The following DCUN1D4 variants were observed in gnomAD, a reference collection of about 807,000 sequenced individuals.
The protein encoded by DCUN1D4 is defective in cullin neddylation 1 domain containing 4.
In DCUN1D4, 22 loss-of-function variants were observed where a neutral mutation model predicts 47.9. The observed-to-expected ratio is 0.46, with a 90% confidence interval of 0.33 to 0.66. DCUN1D4 has a LOEUF of 0.66. DCUN1D4 is among the 30% of genes least tolerant of loss of function. DCUN1D4 has a pLI of 0.02. For missense variants in DCUN1D4, 301 were observed against 340.8 expected (o/e 0.88, Z 0.92); for synonymous variants, 121 against 112.2 (o/e 1.08, Z -0.50).
chr4:51,902,041 C>A (rs1034592193), intron 8 of DCUN1D4, among the ~76,000 whole-genome samples: 1 of 151,926 alleles, frequency 6.6e-6, no homozygotes, highest in African/African-American at 2.4e-5. Flanking sequence ...CTTGTGAATT[C>A]TTTTTTGGCC....
chr4:51,838,878 C>T (rs926827298), upstream of DCUN1D4, among the ~76,000 whole-genome samples: 2 of 152,072 alleles, frequency 1.3e-5, no homozygotes, highest in Admixed American at 1.3e-4. Flanking sequence ...AGTTTGAGAC[C>T]ATCCTGGCCA....
chr4:51,865,490 A>T (rs906590764), intron 3 of DCUN1D4: 2 of 153,462 alleles, frequency 1.3e-5, no homozygotes, highest in Admixed American at 1.3e-4. Flanking sequence ...CACAGACCAG[A>T]GAGCTTGCTG....
chr4:51,859,611 G>A (rs1305023730), intron 1 of DCUN1D4, among the ~76,000 whole-genome samples: 3 of 84,122 alleles, frequency 3.6e-5, no homozygotes, highest in African/African-American at 4.5e-5. Context: ...TTTTGTGTAG[G>A]TCACAGCAAA....
intron 8 of DCUN1D4, among the ~76,000 whole-genome samples, chr4:51,899,610 G>A (rs1041557122): frequency 6.6e-6 from 1 of 152,148 alleles, no homozygotes; most frequent in African/African-American, 2.4e-5. Flanking sequence ...CTGGCTCTTG[G>A]AATTGGCTTA....
intron 1 of DCUN1D4, among the ~76,000 whole-genome samples, chr4:51,853,186 T>C (rs1287319354): frequency 6.6e-6 from 1 of 152,186 alleles, no homozygotes; most frequent in Admixed American, 6.5e-5. Context: ...CTTGGGCGGA[T>C]GGTTTCTTCT....
At chr4:51,858,308 C>G (rs1225644263) in intron 1 of DCUN1D4, among the ~76,000 whole-genome samples, 1 of 151,894 alleles carries the variant, frequency 6.6e-6, no homozygotes, top group Non-Finnish European at 1.5e-5. Flanking sequence ...GAAGAGCGCT[C>G]AAGGTAAGGA....
the DCUN1D4 span, among the ~76,000 whole-genome samples, chr4:51,835,541 G>A: frequency 6.6e-6 from 1 of 152,224 alleles, no homozygotes; most frequent in Non-Finnish European, 1.5e-5. Flanking sequence ...GTGCTTTGAA[G>A]CCAGAAAAAG....
chr4:51,844,825 C>A, intron 1 of DCUN1D4: 2 of 985,296 alleles, frequency 2.0e-6, no homozygotes, highest in Non-Finnish European at 2.4e-6. Context: ...GTTGGGTGCA[C>A]GTGGGTAACT....
At chr4:51,893,270 G>C (rs1358383398) in intron 7 of DCUN1D4, among the ~76,000 whole-genome samples, 1 of 152,180 alleles carries the variant, frequency 6.6e-6, no homozygotes, top group East Asian at 1.9e-4. Context: ...TTTCCTATCA[G>C]AGTGTGTTCT....
intron 7 of DCUN1D4, among the ~76,000 whole-genome samples, chr4:51,894,865 C>G (rs1730990718): frequency 1.3e-5 from 2 of 152,052 alleles, no homozygotes; most frequent in Non-Finnish European, 2.9e-5. Context: ...ATGTTTTAGA[C>G]TGGGTGGCTT....
At chr4:51,867,344 C>A (rs1054519616) in intron 3 of DCUN1D4, among the ~76,000 whole-genome samples, 2 of 152,212 alleles carry the variant, frequency 1.3e-5, no homozygotes, top group African/African-American at 4.8e-5. Flanking sequence ...CCGCCCACAA[C>A]GTGGCAAGTG....
chr4:51,906,211 A>G (rs966290882), intron 8 of DCUN1D4, among the ~76,000 whole-genome samples: 10 of 152,142 alleles, frequency 6.6e-5, no homozygotes, highest in African/African-American at 2.2e-4. Flanking sequence ...TTCCCAGCAG[A>G]ACGTGCCAGC....
rs2109977759 is a variant in DCUN1D4 at position 51,874,330 on chromosome 4, AAG to A, written c.200_201del (p.Arg67LysfsTer7). On this transcript the variant is annotated frameshift_variant, in exon 4 of 11. Coordinates refer to ENST00000334635, the MANE Select transcript of DCUN1D4 (RefSeq NM_001040402.3). LOFTEE classifies it high-confidence loss of function. ...TAATAAAGTGATGCCACCAAGGAAA[AAG>A]AGAAGACCTGCCTCTGGAGATGATT... is the stretch of plus-strand genomic sequence containing the variant. The part of the protein sequence containing the change: ...CFNKVMPPRK[K>X]RRPASGDDLS... 6.2e-7 allele frequency: 1 copy of A among 1,613,918 alleles called. No homozygotes were observed. Among genetic ancestry groups the A allele is most frequent in the African/African-American group, 1.3e-5 (1 of 75,028 alleles).
intron 3 of DCUN1D4, among the ~76,000 whole-genome samples, chr4:51,868,355 C>T (rs1344872432): frequency 6.6e-6 from 1 of 152,238 alleles, no homozygotes; most frequent in East Asian, 1.9e-4. Flanking sequence ...CTGCAGCCCA[C>T]CTCATGGCAG....
chr4:51,906,588 ACT>A (rs1405750121), intron 8 of DCUN1D4, among the ~76,000 whole-genome samples: 4 of 151,678 alleles, frequency 2.6e-5, no homozygotes, highest in Admixed American at 2.6e-4. Context: ...CTCTCCTCAC[ACT>A]CTCCCTCATA....
chr4:51,886,454 C>T, intron 5 of DCUN1D4, 114 bp from the exon 6 acceptor site: 2 of 805,568 alleles, frequency 2.5e-6, no homozygotes, highest in Non-Finnish European at 1.9e-6. Context: ...ATTTTTTTTT[C>T]CAAAAGGAGT....
intron 6 of DCUN1D4, among the ~76,000 whole-genome samples, chr4:51,888,025 A>G (rs1729784048): frequency 6.6e-6 from 1 of 152,022 alleles, no homozygotes; most frequent in South Asian, 2.1e-4. Flanking sequence ...CCGTAGACAC[A>G]AGAAAAGACC....
rs573488393 is a variant in DCUN1D4, at chr4:51,897,180, ATC to A, written c.507-2088_507-2087del. Among the ~76,000 whole-genome samples the A allele has an allele frequency of 2.1e-3, 315 of 152,342 alleles. 7 individuals are homozygous for A. Among genetic ancestry groups the A allele is most frequent in the Admixed American group, 0.019 (290 of 15,298 alleles). On this transcript the variant is annotated intron_variant, in intron 7 of 10. Coordinates refer to ENST00000334635, the MANE Select transcript of DCUN1D4 (RefSeq NM_001040402.3). ...CCGACTCTAAAATAGCCTAATTTTAATCTTTTTTATTTTCCACATTAGGAAGA... is the reference window on the plus strand; with the variant it reads ...CCGACTCTAAAATAGCCTAATTTTAATTTTTTATTTTCCACATTAGGAAGA...
chr4:51,877,328 A>G (rs1727865695), intron 4 of DCUN1D4: 1 of 152,278 alleles, frequency 6.6e-6, no homozygotes, highest in Non-Finnish European at 1.5e-5. Context: ...GTTGTCTAAT[A>G]TTGAGAGATT....
Sources: allele counts gnomAD v4.1 joint callset (sites outside exome capture counted in the v4.1 genomes callset), GRCh38; gene constraint gnomAD v4.1.1; transcripts MANE v1.5; gene names NCBI Gene and HGNC (gene_info 2026-07-23, HGNC 2026-07-21).